The following ARMC3 variants were observed in gnomAD, a reference collection of about 807,000 sequenced individuals.
ARMC3 encodes armadillo repeat containing 3.
ARMC3 carries 74 observed loss-of-function variants against 90.3 expected under a neutral mutation model. The ratio of observed to expected loss-of-function variants is 0.82; its 90% CI spans 0.68 to 0.99. The LOEUF is 0.99. Among genes scored for constraint, ARMC3 ranks in the 50% least tolerant of loss-of-function variants. The pLI is 0.00. For synonymous variants in ARMC3, 334 were observed against 361.8 expected (o/e 0.92, Z 0.87); for missense variants, 958 against 1,042.8 (o/e 0.92, Z 1.12).
chr10:22,948,023 C>T (rs1439460062), intron 3 of ARMC3, among the ~76,000 whole-genome samples: 2 of 151,730 alleles, frequency 1.3e-5, no homozygotes, highest in Non-Finnish European at 2.9e-5. Flanking sequence ...TTTAATAAAC[C>T]ATTTCAAACT....
At chr10:23,024,799 G>A (rs1156689006) in intron 16 of ARMC3, among the ~76,000 whole-genome samples, 1 of 152,216 alleles carries the variant, frequency 6.6e-6, no homozygotes, top group Non-Finnish European at 1.5e-5. Context: ...TTGAAAGACA[G>A]ATTGGCAGAG....
Position 23,006,252 on chromosome 10 carries a change from C to T in ARMC3, c.1732-632C>T, listed in dbSNP as rs59003664. ...AGCAGACCCTAGACCAGAGAGCTAA[C>T]GAAGGCCAGGTTAAAGGCCTTTACT... is the stretch of plus-strand genomic sequence containing the variant. On this transcript the variant is annotated intron_variant, in intron 13 of 18. Transcript: ENST00000298032. Among the ~76,000 whole-genome samples, 800 of 152,288 alleles carry T rather than the reference C, an allele frequency of 5.3e-3. 5 individuals carry two copies. Among genetic ancestry groups the T allele is most frequent in the African/African-American group, 0.018 (769 of 41,572 alleles).
rs1306636260 is a variant in ARMC3 at position 22,955,949 on chromosome 10, A to T, written c.292+17A>T. On this transcript the variant is annotated intron_variant, in intron 4 of 18. Coordinates refer to ENST00000298032, the MANE Select transcript of ARMC3 (RefSeq NM_173081.5). The stretch of plus-strand genomic sequence containing the variant: ...CTTCTAATAGTAAGTATCAACTTTT[A>T]AAAATAATCAAATAATCCCATGTTA... 1.9e-6 allele frequency: 3 copies of T among 1,555,320 alleles called. No homozygotes were observed. Among genetic ancestry groups the T allele is most frequent in the Non-Finnish European group, 2.6e-6 (3 of 1,134,354 alleles).
At chr10:22,988,369 A>G (rs921699071) in intron 10 of ARMC3, among the ~76,000 whole-genome samples, 14 of 152,320 alleles carry the variant, frequency 9.2e-5, no homozygotes, top group African/African-American at 2.4e-4. Flanking sequence ...TCCTTTATCA[A>G]TCATTTCAGT....
At chr10:22,971,949 C>G (rs944012874) in intron 8 of ARMC3, among the ~76,000 whole-genome samples, 2 of 152,158 alleles carry the variant, frequency 1.3e-5, no homozygotes, top group African/African-American at 4.8e-5. Context: ...TGATTAGCAA[C>G]TTCAAGCATC....
Position 22,938,820 on chromosome 10 carries a change from G to A in ARMC3, c.48+6776G>A, listed in dbSNP as rs577118088. On this transcript the variant is annotated intron_variant, in intron 2 of 18. Coordinates refer to ENST00000298032, the MANE Select transcript of ARMC3 (RefSeq NM_173081.5). ...CAAGCAAGCAAGCCTAGTCGCCCAA[G>A]GAATTTCAACCCCCAAACCACCATG... 2.8e-4 allele frequency among the ~76,000 whole-genome samples: 42 copies of A among 152,180 alleles called. 1 individual carries two copies. The South Asian group carries it at 8.7e-3, about 32-fold the overall frequency.
In ARMC3 at chr10:23,008,307, G is replaced by C; in HGVS notation, c.1861G>C (p.Asp621His). ...ACCTTCATCTATGGAAGATAAATCAGATGTTGGTTATGGACGAAGTATTTC... is the reference window on the plus strand; with the variant it reads ...ACCTTCATCTATGGAAGATAAATCACATGTTGGTTATGGACGAAGTATTTC... ...SPPSSMEDKS[D>H]VGYGRSISSS... Residue 621 changes from aspartate (D) to histidine (H), a missense_variant, in exon 15 of 19, where the codon GAT (aspartate) becomes CAT (histidine). Coordinates refer to ENST00000298032, the MANE Select transcript of ARMC3 (RefSeq NM_173081.5). 1 of 1,553,638 alleles carries C rather than the reference G, an allele frequency of 6.4e-7. No individual in the cohort carries two copies. Among genetic ancestry groups the C allele is most frequent in the African/African-American group, 1.4e-5 (1 of 73,082 alleles).
intron 2 of ARMC3, among the ~76,000 whole-genome samples, chr10:22,943,664 G>A (rs1834408926): frequency 6.6e-6 from 1 of 151,978 alleles, no homozygotes; most frequent in Admixed American, 6.6e-5. Flanking sequence ...CAGGTGAGTT[G>A]GCTCATGCCT....
At chr10:22,948,410 T>A (rs1168626968) in intron 3 of ARMC3, among the ~76,000 whole-genome samples, 3 of 152,028 alleles carry the variant, frequency 2.0e-5, no homozygotes, top group Admixed American at 6.6e-5. Context: ...AATACAGAAA[T>A]AATTTTAAGT....
chr10:23,037,123 A>G (rs1049945761), intron 18 of ARMC3, 147 bp from the exon 19 acceptor site: 3 of 669,540 alleles, frequency 4.5e-6, no homozygotes, highest in African/African-American at 3.6e-5. Flanking sequence ...CCCTATACCA[A>G]TAGTCCACAT....
chr10:22,995,332 A>C (rs1359173847), intron 10 of ARMC3, among the ~76,000 whole-genome samples: 1 of 152,182 alleles, frequency 6.6e-6, no homozygotes, highest in African/African-American at 2.4e-5. Flanking sequence ...AGTTTTTTTA[A>C]GGTAAGAATA....
intron 7 of ARMC3, among the ~76,000 whole-genome samples, chr10:22,963,204 G>A (rs2131266107): frequency 6.6e-6 from 1 of 152,182 alleles, no homozygotes; most frequent in African/African-American, 2.4e-5. Context: ...ATTCATTGAG[G>A]AATGTGATGG....
intron 3 of ARMC3, among the ~76,000 whole-genome samples, chr10:22,950,240 T>C (rs1834692026): frequency 6.6e-6 from 1 of 152,136 alleles, no homozygotes; most frequent in Non-Finnish European, 1.5e-5. Flanking sequence ...TGTTTTGTTA[T>C]TTGAATCACT....
chr10:23,011,134 C>A (rs1837996403), intron 16 of ARMC3, among the ~76,000 whole-genome samples: 1 of 152,010 alleles, frequency 6.6e-6, no homozygotes, highest in Admixed American at 6.6e-5. Context: ...CTAAAAGCTC[C>A]TCAAGAACAA....
At chr10:22,941,102 A>C (rs989983990) in intron 2 of ARMC3, among the ~76,000 whole-genome samples, 1 of 152,168 alleles carries the variant, frequency 6.6e-6, no homozygotes, top group Non-Finnish European at 1.5e-5. Context: ...AAGGGTCCCT[A>C]TGTAGTAATT....
At chr10:22,971,363 T>G (rs1248624405) in intron 8 of ARMC3, among the ~76,000 whole-genome samples, 1 of 152,120 alleles carries the variant, frequency 6.6e-6, no homozygotes, top group African/African-American at 2.4e-5. Context: ...CAGATATCTC[T>G]TTGAGTCCCT....
rs186499038 is a variant in ARMC3 at position 23,021,188 on chromosome 10, G to A, written c.2046-9408G>A. Among the ~76,000 whole-genome samples, 124 of 152,204 alleles carry A rather than the reference G, an allele frequency of 8.1e-4. 1 individual carries two copies. Among genetic ancestry groups the A allele is most frequent in the Middle Eastern group, 3.4e-3 (1 of 294 alleles). On this transcript the variant is annotated intron_variant, in intron 16 of 18. Coordinates refer to ENST00000298032, the MANE Select transcript of ARMC3 (RefSeq NM_173081.5). ...ATCGTATTCTATGGTGTATACATAC[G>A]ACATTTTTAAAAATCAAGTCCACTG...
rs138614598 is a variant in ARMC3 at position 22,998,305 on chromosome 10, A to G, written c.1333A>G (p.Ile445Val). 3.0e-5 allele frequency: 49 copies of G among 1,613,020 alleles called. No individual in the cohort carries two copies. In the African/African-American group the frequency reaches 5.9e-4, roughly 19 times the overall value. The part of the protein sequence containing the change: ...IQNHDIMHAI[I>V]SPLRSANTVV... ...GAATCACGACATCATGCATGCCATC[A>G]TCAGCCCACTGCGTTCTGCAAACAC... is the stretch of plus-strand genomic sequence containing the variant. Residue 445 changes from isoleucine (I) to valine (V), a missense_variant, in exon 11 of 19, where the codon ATC (isoleucine) becomes GTC (valine). Transcript: ENST00000298032.
chr10:23,028,686 A>C (rs1241120100), intron 16 of ARMC3, among the ~76,000 whole-genome samples: 3 of 152,158 alleles, frequency 2.0e-5, no homozygotes, highest in Non-Finnish European at 4.4e-5. Context: ...TGAATTTTCA[A>C]AGTCTTTGCA....
Sources: gnomAD v4.1 joint callset for allele counts (sites outside exome capture counted in the v4.1 genomes callset) on GRCh38, gnomAD v4.1.1 for gene constraint, MANE v1.5 for transcripts, NCBI Gene and HGNC (gene_info 2026-07-23, HGNC 2026-07-21) for gene names.